Variants in CCDC39 observed in about 807,000 individuals in gnomAD.
The protein encoded by CCDC39 is coiled-coil domain 39 molecular ruler complex subunit.
Under a neutral mutation model 121.0 loss-of-function variants are expected in CCDC39, and 113 were observed. That is an observed-to-expected ratio of 0.93 (90% confidence interval 0.80 to 1.09). The LOEUF is 1.09. Ranked by LOEUF, CCDC39 falls within the 50% of genes least tolerant of loss-of-function variation. CCDC39 has a pLI of 0.00. For missense variants in CCDC39, 1,063 were observed against 1,074.7 expected (o/e 0.99, Z 0.15); for synonymous variants, 349 against 352.2 (o/e 0.99, Z 0.10).
chr3:180,673,998 T>C (rs1712121304), intron 1 of CCDC39, among the ~76,000 whole-genome samples: 1 of 152,102 alleles, frequency 6.6e-6, no homozygotes, highest in African/African-American at 2.4e-5. Context: ...AAAGTAGTTT[T>C]TTCCAGTTCT....
intron 14 of CCDC39, among the ~76,000 whole-genome samples, chr3:180,621,611 G>A (rs188020635): frequency 2.0e-5 from 3 of 152,068 alleles, no homozygotes; most frequent in Admixed American, 1.3e-4. Context: ...AGGGCTACAT[G>A]TGCAGGATTG....
At position 180,651,515 on chromosome 3, in the gene CCDC39, A is replaced by G; in HGVS notation, c.1053T>C (p.Asn351=). 1 of 1,526,926 alleles carries G rather than the reference A, an allele frequency of 6.5e-7. No individual in the cohort carries two copies. Among genetic ancestry groups the G allele is most frequent in the South Asian group, 1.3e-5 (1 of 77,396 alleles). 94.6% of individuals were successfully genotyped at this position (1,526,926 alleles called of 1,614,324 possible). Reference sequence around the variant, plus strand: ...ATTTTGTTTGTATTATCTCATTATGATTTTTAGTTTTTTGTAACCTGAAGA... The same window carrying G: ...ATTTTGTTTGTATTATCTCATTATGGTTTTTAGTTTTTTGTAACCTGAAGA... ...EETARLQKTK[N]HNEIIQTKLK... The change falls in exon 9 of 20, where the codon AAT becomes AAC. Residue 351 remains asparagine (N), a synonymous_variant. Coordinates refer to ENST00000476379, the MANE Select transcript of CCDC39 (RefSeq NM_181426.2).
At chr3:180,625,807 G>T (rs1388937255) in intron 14 of CCDC39, among the ~76,000 whole-genome samples, 1 of 151,662 alleles carries the variant, frequency 6.6e-6, no homozygotes, top group Non-Finnish European at 1.5e-5. Context: ...TTGAGCTTTG[G>T]TGAAGTTTTG....
intron 11 of CCDC39, among the ~76,000 whole-genome samples, chr3:180,645,303 T>C (rs1341230336): frequency 6.6e-6 from 1 of 152,214 alleles, no homozygotes; most frequent in Non-Finnish European, 1.5e-5. Context: ...TTCCATCATA[T>C]GCATAAATAG....
chr3:180,616,073 A>T (rs893388515), intron 19 of CCDC39, among the ~76,000 whole-genome samples: 1 of 152,226 alleles, frequency 6.6e-6, no homozygotes, highest in Non-Finnish European at 1.5e-5. Context: ...TAGTGACACC[A>T]GCAGAAGTCA....
chr3:180,672,091 G>T (rs904418940), intron 1 of CCDC39, among the ~76,000 whole-genome samples: 28 of 152,246 alleles, frequency 1.8e-4, no homozygotes, highest in African/African-American at 6.7e-4. Flanking sequence ...TGACTCTTAG[G>T]GGCTAATGCA....
intron 12 of CCDC39, 113 bp from the exon 13 acceptor site, chr3:180,642,314 C>T: frequency 1.8e-6 from 1 of 555,570 alleles, no homozygotes; most frequent in Non-Finnish European, 3.0e-6. Flanking sequence ...CCAATTTAAC[C>T]ATTGACTAAG....
At chr3:180,623,558 T>A (rs1359916752) in intron 14 of CCDC39, among the ~76,000 whole-genome samples, 1 of 152,142 alleles carries the variant, frequency 6.6e-6, no homozygotes, top group African/African-American at 2.4e-5. Flanking sequence ...TGTTAATTGA[T>A]GATCTTTCTA....
At chr3:180,617,287 C>A (rs1412996716) in intron 16 of CCDC39, 2 of 458,094 alleles carry the variant, frequency 4.4e-6, no homozygotes, top group Non-Finnish European at 3.8e-6. Flanking sequence ...CTAGCACATA[C>A]AATTATGTAC....
chr3:180,669,106 T>C (rs2108433437), intron 1 of CCDC39, among the ~76,000 whole-genome samples: 1 of 152,326 alleles, frequency 6.6e-6, no homozygotes, highest in African/African-American at 2.4e-5. Flanking sequence ...GACCATTCAT[T>C]AAATAGTTTA....
chr3:180,633,419 T>A (rs1439771425), intron 13 of CCDC39, among the ~76,000 whole-genome samples: 1 of 152,064 alleles, frequency 6.6e-6, no homozygotes, highest in Non-Finnish European at 1.5e-5. Flanking sequence ...AAAACACCCA[T>A]AAAACAAGAT....
intron 16 of CCDC39, among the ~76,000 whole-genome samples, chr3:180,618,108 T>C (rs1042674943): frequency 1.3e-5 from 2 of 152,182 alleles, no homozygotes; most frequent in Admixed American, 1.3e-4. Context: ...TACAAGCTTA[T>C]AGCCTAGGAA....
chr3:180,616,280 C>G lies in CCDC39; in HGVS notation c.2669+1G>C. The stretch of plus-strand genomic sequence containing the variant: ...AGATTTTTTTTTAACCCTCCGCTTA[C>G]CTTGCTGATAGTGAAGTATGTGAAG... On this transcript the variant is annotated splice_donor_variant, in intron 19 of 19. Coordinates refer to ENST00000476379, the MANE Select transcript of CCDC39 (RefSeq NM_181426.2). LOFTEE classifies it high-confidence loss of function. The G allele has an allele frequency of 1.2e-6, 2 of 1,612,860 alleles. No homozygotes were observed. The highest frequency in any genetic ancestry group is 1.7e-6 in the Non-Finnish European group (2 of 1,179,166).
At chr3:180,616,172 CAGTG>C (rs1458720043) in intron 19 of CCDC39, 105 bp downstream of exon 19, 3 of 826,446 alleles carry the variant, frequency 3.6e-6, no homozygotes, top group Non-Finnish European at 6.2e-6. Context: ...AGAACACTGG[CAGTG>C]AGTGCATGGG....
intron 13 of CCDC39, among the ~76,000 whole-genome samples, chr3:180,633,568 GGA>G (rs1293309945): frequency 2.4e-4 from 37 of 152,190 alleles, no homozygotes; most frequent in Non-Finnish European, 2.9e-5. Context: ...ATTAGGCAGA[GGA>G]GAGGGGAATA....
chr3:180,665,146 A>G (rs1483165162), intron 1 of CCDC39, among the ~76,000 whole-genome samples: 3 of 152,186 alleles, frequency 2.0e-5, no homozygotes, highest in African/African-American at 7.2e-5. Flanking sequence ...ACCCCATTGA[A>G]CTGGGCTAAG....
chr3:180,624,911 T>C (rs1006635841), intron 14 of CCDC39, among the ~76,000 whole-genome samples: 1 of 152,322 alleles, frequency 6.6e-6, no homozygotes, highest in Middle Eastern at 3.4e-3. Flanking sequence ...GTTTCCTTTA[T>C]AGGTGACTAG....
intron 14 of CCDC39, among the ~76,000 whole-genome samples, chr3:180,630,837 A>C (rs1188270859): frequency 6.6e-6 from 1 of 152,112 alleles, no homozygotes; most frequent in Non-Finnish European, 1.5e-5. Context: ...TATTATAGGG[A>C]TATATGGGCA....
chr3:180,627,603 A>C (rs1315306081), intron 14 of CCDC39, among the ~76,000 whole-genome samples: 1 of 152,254 alleles, frequency 6.6e-6, no homozygotes, highest in Non-Finnish European at 1.5e-5. Flanking sequence ...AATTGCAGTC[A>C]GAACTATACT....
Sources: gnomAD v4.1 joint callset for allele counts (sites outside exome capture counted in the v4.1 genomes callset) on GRCh38, gnomAD v4.1.1 for gene constraint, MANE v1.5 for transcripts, NCBI Gene and HGNC (gene_info 2026-07-23, HGNC 2026-07-21) for gene names.